Variants in MMP26 observed in about 807,000 individuals in gnomAD.
MMP26 encodes the protein matrix metalloproteinase-26.
A neutral mutation model predicts 31.0 loss-of-function variants in MMP26; 33 were observed. The ratio of observed to expected loss-of-function variants is 1.06; its 90% confidence interval spans 0.81 to 1.42. The LOEUF is 1.42. MMP26 is among the 40% of genes most tolerant of loss of function. The pLI, the probability that MMP26 is intolerant of heterozygous loss-of-function variation, is 0.00. For synonymous variants in MMP26, 122 were observed against 114.9 expected, an observed-to-expected ratio of 1.06 and a Z score of -0.40; for missense variants, 347 against 316.1, an observed-to-expected ratio of 1.10 and a Z score of -0.74.
At chr11:4,810,228 T>G (rs1849331330) in intron 2 of MMP26, among the ~76,000 whole-genome samples, 1 of 129,816 alleles carries the variant, frequency 7.7e-6, no homozygotes, top group African/African-American at 2.6e-5. Context: ...TTTATCTGTA[T>G]GCATGTATTT....
At chr11:4,796,696 G>A (rs1041757063) in intron 2 of MMP26, among the ~76,000 whole-genome samples, 6 of 152,138 alleles carry the variant, frequency 3.9e-5, no homozygotes, top group Non-Finnish European at 5.9e-5. Flanking sequence ...GCTTGGGCAG[G>A]GAAGGGTGGG....
intron 2 of MMP26, among the ~76,000 whole-genome samples, chr11:4,825,097 G>C (rs1589912717): frequency 6.6e-6 from 1 of 152,198 alleles, no homozygotes; most frequent in Admixed American, 6.5e-5. Context: ...TTCTTGTGGA[G>C]GAAAGGTATC....
chr11:4,944,619 C>T (rs535238881), intron 2 of MMP26: 9 of 152,122 alleles, frequency 5.9e-5, no homozygotes, highest in African/African-American at 1.7e-4. Context: ...CTTGAACTGA[C>T]GTGGTTGATA....
At chr11:4,815,429 A>T (rs1849407548) in intron 2 of MMP26, among the ~76,000 whole-genome samples, 1 of 152,234 alleles carries the variant, frequency 6.6e-6, no homozygotes, top group Non-Finnish European at 1.5e-5. Flanking sequence ...TTTTATACTT[A>T]GTAGCTAACT....
intron 2 of MMP26, among the ~76,000 whole-genome samples, chr11:4,952,354 C>G (rs1846382768): frequency 8.0e-6 from 1 of 124,544 alleles, no homozygotes; most frequent in African/African-American, 2.7e-5. Flanking sequence ...TTATATTGAG[C>G]TGCCTATCCT....
chr11:4,797,007 T>A (rs1297153815), intron 2 of MMP26, among the ~76,000 whole-genome samples: 3 of 152,064 alleles, frequency 2.0e-5, no homozygotes, highest in African/African-American at 7.2e-5. Context: ...GCTCACTTTT[T>A]AAAATCCTAT....
chr11:4,902,901 T>C (rs1297361332), intron 2 of MMP26, among the ~76,000 whole-genome samples: 2 of 152,068 alleles, frequency 1.3e-5, no homozygotes, highest in Non-Finnish European at 2.9e-5. Flanking sequence ...ATTTGAGCCA[T>C]GTTGTGTCTT....
intron 1 of MMP26, among the ~76,000 whole-genome samples, chr11:4,713,109 C>T (rs1847882687): frequency 1.3e-5 from 2 of 151,772 alleles, no homozygotes; most frequent in Admixed American, 1.3e-4. Flanking sequence ...ATGTTTGTAC[C>T]ATTCAGGTTG....
chr11:4,762,927 G>T (rs1374649053), intron 1 of MMP26, among the ~76,000 whole-genome samples: 2 of 152,100 alleles, frequency 1.3e-5, no homozygotes, highest in Non-Finnish European at 2.9e-5. Context: ...TAGAGTGGTG[G>T]TACAATCCCT....
At chr11:4,731,415 C>T (rs1017509414) in intron 1 of MMP26, among the ~76,000 whole-genome samples, 3 of 152,128 alleles carry the variant, frequency 2.0e-5, no homozygotes, top group South Asian at 2.1e-4. Context: ...ATGTATAGCT[C>T]ATTTGTGTAA....
chr11:4,723,698 G>T, intron 1 of MMP26: 1 of 969,338 alleles, frequency 1.0e-6, no homozygotes. Context: ...CCAAGCTTCA[G>T]CTTCTCCTGG....
At chr11:4,976,984 G>A (rs939710328) in intron 2 of MMP26, among the ~76,000 whole-genome samples, 6 of 151,912 alleles carry the variant, frequency 3.9e-5, no homozygotes, top group Non-Finnish European at 7.4e-5. Context: ...AATGAAAGTC[G>A]TTATTCTGCT....
chr11:4,772,626 T>C (rs1234590309), intron 2 of MMP26, among the ~76,000 whole-genome samples: 1 of 152,222 alleles, frequency 6.6e-6, no homozygotes, highest in African/African-American at 2.4e-5. Flanking sequence ...CTCTGTTCCC[T>C]GCTGTTTTCT....
intron 2 of MMP26, among the ~76,000 whole-genome samples, chr11:4,789,901 T>C (rs1849000650): frequency 6.6e-6 from 1 of 152,144 alleles, no homozygotes; most frequent in South Asian, 2.1e-4. Flanking sequence ...ATTTATGGAA[T>C]ATATATTAAG....
intron 5 of MMP26, among the ~76,000 whole-genome samples, chr11:4,990,954 T>C (rs1018020975): frequency 1.3e-5 from 2 of 152,196 alleles, no homozygotes; most frequent in African/African-American, 4.8e-5. Flanking sequence ...GGCTGCAGTG[T>C]GAATATGGTG....
intron 2 of MMP26, among the ~76,000 whole-genome samples, chr11:4,883,286 T>TCCCC (rs1850505565): frequency 1.3e-5 from 2 of 152,138 alleles, no homozygotes. Context: ...ATGAAGGTTG[T>TCCCC]TACTTGAGCT....
intron 2 of MMP26, among the ~76,000 whole-genome samples, chr11:4,936,294 GT>G (rs1268941823): frequency 2.7e-5 from 4 of 150,898 alleles, no homozygotes; most frequent in Admixed American, 6.6e-5. Flanking sequence ...CTTCTTCCTG[GT>G]TTAGTCTTGG....
chr11:4,881,760 A>G (rs2079342550), intron 2 of MMP26: 1 of 807,242 alleles, frequency 1.2e-6, no homozygotes, highest in African/African-American at 1.7e-5. Context: ...TCCTGGGTCC[A>G]TTTCCTTTCT....
chr11:4,815,584 A>T (rs1468126156), intron 2 of MMP26, among the ~76,000 whole-genome samples: 13 of 152,122 alleles, frequency 8.5e-5, no homozygotes, highest in Admixed American at 2.6e-4. Context: ...AAAAAAAAAG[A>T]AAGAAATTTT....
Sources: allele counts gnomAD v4.1 joint callset (sites outside exome capture counted in the v4.1 genomes callset), GRCh38; gene constraint gnomAD v4.1.1; transcripts MANE v1.5; gene names NCBI Gene and HGNC (gene_info 2026-07-23, HGNC 2026-07-21).